The following AATF variants were observed in gnomAD, a reference collection of about 807,000 sequenced individuals.
AATF encodes apoptosis antagonizing transcription factor.
A neutral mutation model predicts 63.7 loss-of-function variants in AATF; 48 were observed. The ratio of observed to expected loss-of-function variants is 0.75; its 90% CI spans 0.60 to 0.96. The LOEUF (loss-of-function observed/expected upper bound fraction) is 0.96. AATF is among the 40% of genes least tolerant of loss of function. The probability of loss-of-function intolerance (pLI) is 0.00; values close to 1 mark genes in which losing one functional copy is unlikely to be tolerated. For missense variants in AATF, 639 were observed against 685.7 expected, an observed-to-expected ratio of 0.93 and a Z score of 0.76; for synonymous variants, 258 against 247.7, an observed-to-expected ratio of 1.04 and a Z score of -0.39.
At chr17:36,976,664 G>T (rs1597708324) in intron 4 of AATF, among the ~76,000 whole-genome samples, 1 of 152,260 alleles carries the variant, frequency 6.6e-6, no homozygotes, top group South Asian at 2.1e-4. Context: ...TACAGTTTCT[G>T]CTCTCAAGGA....
rs562952973 is a variant in AATF at position 37,009,680 on chromosome 17, G to A, written c.1399-9325G>A. Among the ~76,000 whole-genome samples, 90 of 150,508 alleles carry A rather than the reference G, an allele frequency of 6.0e-4. 1 individual carries two copies. In the South Asian group the frequency reaches 0.016, roughly 26 times the overall value. ...AAAATACAAAAAATTAGCCGGGCGCGGTGGCGGGCGCCTGTAGTCCCAGCT... is the reference window on the plus strand; with the variant it reads ...AAAATACAAAAAATTAGCCGGGCGCAGTGGCGGGCGCCTGTAGTCCCAGCT... On this transcript the variant is annotated intron_variant, in intron 8 of 11. Coordinates refer to ENST00000619387, the MANE Select transcript of AATF (RefSeq NM_012138.4).
chr17:37,003,749 G>A (rs917732660), intron 8 of AATF, among the ~76,000 whole-genome samples: 46 of 151,550 alleles, frequency 3.0e-4, no homozygotes, highest in African/African-American at 1.1e-3. Context: ...TTACAGGTGC[G>A]AGCCACCATG....
intron 8 of AATF, among the ~76,000 whole-genome samples, chr17:37,003,136 T>C (rs1329408195): frequency 6.6e-6 from 1 of 152,204 alleles, no homozygotes; most frequent in African/African-American, 2.4e-5. Flanking sequence ...AGTCCGGAAG[T>C]TAACCTTTAC....
intron 8 of AATF, 126 bp from the exon 9 acceptor site, chr17:37,018,879 G>T: frequency 1.3e-6 from 1 of 744,898 alleles, no homozygotes; most frequent in South Asian, 1.6e-5. Context: ...CTTGCCACTG[G>T]GTTGTCCCTT....
At chr17:36,990,898 C>A in intron 8 of AATF, 41 bp downstream of exon 8, 1 of 1,384,888 alleles carries the variant, frequency 7.2e-7, no homozygotes, top group Non-Finnish European at 9.8e-7. Flanking sequence ...CATGTTTTAG[C>A]ATTTTAAAGC....
At chr17:37,012,313 C>T (rs867792789) in intron 8 of AATF, among the ~76,000 whole-genome samples, 2 of 152,130 alleles carry the variant, frequency 1.3e-5, no homozygotes, top group South Asian at 2.1e-4. Flanking sequence ...CCTTGGCCTC[C>T]CAGTGCTAGG....
At chr17:37,048,402 A>C (rs1597743434) in intron 11 of AATF, among the ~76,000 whole-genome samples, 2 of 102,212 alleles carry the variant, frequency 2.0e-5, no homozygotes, top group East Asian at 2.6e-4. Flanking sequence ...ATGGAGTCTC[A>C]CTCTTTTGCC....
chr17:37,019,291 G>A (rs549396914), intron 9 of AATF, among the ~76,000 whole-genome samples: 1 of 152,310 alleles, frequency 6.6e-6, no homozygotes, highest in East Asian at 1.9e-4. Flanking sequence ...TGTTTTTAGA[G>A]TTTGTTTTCC....
In AATF at chr17:36,973,943, C is replaced by T. The variant is rs564852319; in HGVS notation, c.833-12674C>T. On this transcript the variant is annotated intron_variant, in intron 4 of 11. Transcript: ENST00000619387. ...GAAATTAGCTGGGCGTGGTGGCATA[C>T]GCCTGTAATCCCTGCCTCGGGAGGC... 7.2e-5 allele frequency among the ~76,000 whole-genome samples: 11 copies of T among 152,132 alleles called. No individual in the cohort carries two copies. In the South Asian group the frequency reaches 2.1e-3, roughly 29 times the overall value.
intron 4 of AATF, among the ~76,000 whole-genome samples, chr17:36,978,524 T>TA: frequency 6.6e-6 from 1 of 152,230 alleles, no homozygotes; most frequent in Non-Finnish European, 1.5e-5. Flanking sequence ...TCCTTGTGGT[T>TA]ATTTTGTACC....
chr17:37,036,004 A>G (rs992529481), intron 11 of AATF, among the ~76,000 whole-genome samples: 9 of 152,074 alleles, frequency 5.9e-5, no homozygotes, highest in African/African-American at 2.2e-4. Context: ...GCTCCCTGCA[A>G]CCTCCAATTC....
intron 8 of AATF, among the ~76,000 whole-genome samples, chr17:36,997,414 A>G (rs1002506415): frequency 4.6e-5 from 7 of 152,236 alleles, no homozygotes; most frequent in African/African-American, 1.4e-4. Context: ...AAGTGGGCTA[A>G]GGACATGAAT....
At chr17:37,021,697 C>G in intron 10 of AATF, among the ~76,000 whole-genome samples, 1 of 82,174 alleles carries the variant, frequency 1.2e-5, no homozygotes, top group South Asian at 2.6e-4. Flanking sequence ...CCCAGCTACT[C>G]GGGAGGCTGA....
intron 8 of AATF, among the ~76,000 whole-genome samples, chr17:36,992,293 G>T (rs1164825796): frequency 1.3e-5 from 2 of 151,080 alleles, no homozygotes; most frequent in Admixed American, 6.6e-5. Flanking sequence ...TGACTAGAGG[G>T]TATAGGAAAA....
intron 11 of AATF, among the ~76,000 whole-genome samples, chr17:37,046,277 C>T (rs1388741484): frequency 6.6e-6 from 1 of 151,956 alleles, no homozygotes; most frequent in Admixed American, 6.5e-5. Flanking sequence ...GCTCTGGGGT[C>T]CTTCACGCGG....
In AATF at chr17:37,031,648, G is replaced by C. The variant is rs772637684; in HGVS notation, c.1582G>C (p.Ala528Pro). ...HVLSKLLSFM[A>P]PIDHTTMNDD... ...CCTTAGCAAGCTACTGAGTTTCATG[G>C]CACCTATTGACCATACTACAATGAA... is the stretch of plus-strand genomic sequence containing the variant. Residue 528 changes from alanine to proline, a missense_variant, in exon 11 of 12, where the codon GCA becomes CCA. Ala to Pro is a conservative substitution (Grantham distance 27, BLOSUM62 -1). Transcript: ENST00000619387. 1.9e-6 allele frequency: 3 copies of C among 1,614,138 alleles called. No homozygotes were observed. The highest frequency in any genetic ancestry group is 2.5e-6 in the Non-Finnish European group (3 of 1,180,012).
At chr17:37,055,590 C>T (rs2071791382) in intron 11 of AATF, 1 of 152,212 alleles carries the variant, frequency 6.6e-6, no homozygotes, top group Non-Finnish European at 1.5e-5. Context: ...TTGAGAATAT[C>T]CGAGCAGGTG....
chr17:37,029,814 C>G (rs913780666), intron 10 of AATF, among the ~76,000 whole-genome samples: 1 of 151,806 alleles, frequency 6.6e-6, no homozygotes, highest in African/African-American at 2.4e-5. Context: ...GATCTGCCCC[C>G]CCTCAGCCTC....
intron 8 of AATF, among the ~76,000 whole-genome samples, chr17:37,009,111 C>CT (rs139205377): frequency 0.12 from 17,675 of 151,780 alleles, 1,305 homozygotes; most frequent in Non-Finnish European, 0.16. Context: ...AGTTAAATGG[C>CT]TTTTTTGTTT....
Sources: allele counts gnomAD v4.1 joint callset (sites outside exome capture counted in the v4.1 genomes callset), GRCh38; gene constraint gnomAD v4.1.1; transcripts MANE v1.5; gene names NCBI Gene and HGNC (gene_info 2026-07-23, HGNC 2026-07-21).